Variants in MED13 observed in about 807,000 individuals in gnomAD.
MED13 encodes the protein mediator of RNA polymerase II transcription subunit 13.
A neutral mutation model predicts 225.2 loss-of-function variants in MED13; 23 were observed. The observed-to-expected ratio is 0.10, with a 90% CI of 0.07 to 0.14. The LOEUF (loss-of-function observed/expected upper bound fraction) is 0.14, where lower values mean the gene tolerates loss of function less well. MED13 is among the 10% of genes least tolerant of loss of function. The probability of loss-of-function intolerance (pLI) is 1.00; values close to 1 mark genes in which losing one functional copy is unlikely to be tolerated. For synonymous variants in MED13, 942 were observed against 889.2 expected, an observed-to-expected ratio of 1.06 and a Z score of -1.06; for missense variants, 2,197 against 2,594.5, an observed-to-expected ratio of 0.85 and a Z score of 3.33.
intron 11 of MED13, among the ~76,000 whole-genome samples, chr17:61,988,814 T>G (rs560179717): frequency 6.6e-6 from 1 of 152,080 alleles, no homozygotes; most frequent in East Asian, 1.9e-4. Flanking sequence ...TACAGGTACT[T>G]TTTTTTATGT....
At chr17:62,026,677 C>T (rs1433380112) in intron 8 of MED13, among the ~76,000 whole-genome samples, 1 of 151,980 alleles carries the variant, frequency 6.6e-6, no homozygotes, top group Non-Finnish European at 1.5e-5. Flanking sequence ...TGATTCTAGA[C>T]CTGGAAAACC....
At chr17:62,038,339 G>A (rs1390833798) in intron 3 of MED13, among the ~76,000 whole-genome samples, 2 of 151,968 alleles carry the variant, frequency 1.3e-5, no homozygotes, top group East Asian at 1.9e-4. Flanking sequence ...GAGGTTGAGG[G>A]TGCAGTGAGC....
chr17:61,960,723 A>G (rs1249228566), intron 23 of MED13, 144 bp downstream of exon 23: 2 of 515,204 alleles, frequency 3.9e-6, no homozygotes, highest in African/African-American at 3.9e-5. Flanking sequence ...AACATTCACT[A>G]AAGAAAAAAG....
At position 61,965,202 on chromosome 17, in the gene MED13, C is replaced by T. The variant is rs1173629160; in HGVS notation, c.4648G>A (p.Val1550Ile). 1.9e-6 allele frequency: 3 copies of T among 1,614,074 alleles called. No homozygotes were observed. Among genetic ancestry groups the T allele is most frequent in the Admixed American group, 3.3e-5 (2 of 59,986 alleles). ...SSSSSNLNSG[V>I]SSNKLPSFPP... ...AACGAAGGTAGTTTATTTGATGATA[C>T]TCCACTATTCAAGTTGGAGGATGAT... Residue 1550 changes from valine (V) to isoleucine (I), a missense_variant, in exon 20 of 30, where the codon GTA becomes ATA. Around this residue, in one of 12 missense-constraint regions of MED13, gnomAD observed 457 missense variants for 442.2 expected, o/e 1.03. Transcript: ENST00000397786.
chr17:61,955,662 A>C lies in MED13; in HGVS notation c.5782+18T>G. 6.3e-7 allele frequency: 1 copy of C among 1,585,460 alleles called. No homozygotes were observed. Among genetic ancestry groups the C allele is most frequent in the Non-Finnish European group, 8.5e-7 (1 of 1,172,536 alleles). Reference sequence around the variant, plus strand: ...CTGCATAAAGAATTAAATCTGATATAAACTAAAGATAGCTAACCTGGCATA... The same window carrying C: ...CTGCATAAAGAATTAAATCTGATATCAACTAAAGATAGCTAACCTGGCATA... On this transcript the variant is annotated intron_variant, in intron 25 of 29. Transcript: ENST00000397786.
chr17:61,993,063 C>G (rs1219130862), intron 10 of MED13, among the ~76,000 whole-genome samples: 1 of 152,020 alleles, frequency 6.6e-6, no homozygotes, highest in Non-Finnish European at 1.5e-5. Flanking sequence ...CCACGCCTGG[C>G]CTGTGGTATG....
intron 18 of MED13, among the ~76,000 whole-genome samples, chr17:61,967,462 T>C (rs2080068883): frequency 6.6e-6 from 1 of 152,138 alleles, no homozygotes. Context: ...GGAATCAAAA[T>C]TTAAAGACTA....
At chr17:61,947,528 GAT>G (rs2079860724) in intron 28 of MED13, among the ~76,000 whole-genome samples, 1 of 152,146 alleles carries the variant, frequency 6.6e-6, no homozygotes, top group Non-Finnish European at 1.5e-5. Context: ...CTGTCCTTAA[GAT>G]ATATGACACC....
Position 62,015,940 on chromosome 17 carries a change from ATATATATATATATATTTTTTTTTT to A in MED13, c.1284-4731_1284-4708del, listed in dbSNP as rs1335157735. Reference sequence around the variant, plus strand: ...CATATATATATATATATATATATATATATATATATATATATTTTTTTTTTTTTTTTTTTTTTTTTTTTTAGTAGA... The same window carrying A: ...CATATATATATATATATATATATATATTTTTTTTTTTTTTTTTTTAGTAGA... On this transcript the variant is annotated intron_variant, in intron 8 of 29. Transcript: ENST00000397786. 6.2e-4 allele frequency among the ~76,000 whole-genome samples: 6 copies of A among 9,644 alleles called. 1 individual carries two copies. The highest frequency in any genetic ancestry group is 8.0e-4 in the African/African-American group (3 of 3,748). The allele number at this position is 9,644 out of a possible 152,430, so 6.3% of individuals were successfully genotyped here.
chr17:61,956,306 G>T (rs762599744), intron 24 of MED13, 33 bp downstream of exon 24: 1 of 1,584,942 alleles, frequency 6.3e-7, no homozygotes, highest in Non-Finnish European at 8.6e-7. Flanking sequence ...ACATAAAACG[G>T]AAATATAAAT....
intron 21 of MED13, among the ~76,000 whole-genome samples, 175 bp downstream of exon 21, chr17:61,962,577 A>C (rs1374124841): frequency 1.3e-5 from 2 of 152,314 alleles, no homozygotes; most frequent in Non-Finnish European, 2.9e-5. Flanking sequence ...ATATGACTAT[A>C]AAGTTTATCT....
chr17:62,058,140 T>A (rs1252531807), intron 2 of MED13, among the ~76,000 whole-genome samples: 4 of 152,074 alleles, frequency 2.6e-5, no homozygotes, highest in Admixed American at 2.6e-4. Flanking sequence ...GGGACTGAGC[T>A]AAGATTTTCC....
chr17:61,960,834 A>AAT, intron 23 of MED13, 33 bp downstream of exon 23: 1 of 1,409,784 alleles, frequency 7.1e-7, no homozygotes, highest in Non-Finnish European at 9.9e-7. Flanking sequence ...TTACAAATGG[A>AAT]ATGATATGAT....
rs1555638738 is a variant in MED13 at position 62,014,330 on chromosome 17, A to ATT, written c.1284-3099_1284-3098dup. ...TGTTTTTATATATATATATATATAT[A>ATT]TTTTGAGACACAGTTTCACTCTGTC... is the stretch of plus-strand genomic sequence containing the variant. On this transcript the variant is annotated intron_variant, in intron 8 of 29. Transcript: ENST00000397786. Among the ~76,000 whole-genome samples, 4 of 149,226 alleles carry ATT rather than the reference A, an allele frequency of 2.7e-5. No individual in the cohort carries two copies. The South Asian group carries it at 6.3e-4, about 24-fold the overall frequency.
At chr17:62,035,290 AT>A (rs1180225665) in intron 4 of MED13, among the ~76,000 whole-genome samples, 172 bp downstream of exon 4, 4 of 152,186 alleles carry the variant, frequency 2.6e-5, no homozygotes, top group Non-Finnish European at 5.9e-5. Context: ...GTATTTAAAA[AT>A]TTATTTCACT....
intron 2 of MED13, among the ~76,000 whole-genome samples, chr17:62,062,545 G>C (rs1247382997): frequency 6.6e-6 from 1 of 151,134 alleles, no homozygotes; most frequent in Non-Finnish European, 1.5e-5. Flanking sequence ...TAATCAAATA[G>C]CACAAATGAC....
Position 62,052,677 on chromosome 17 carries a change from T to C in MED13, c.330A>G (p.Gly110=), listed in dbSNP as rs750581761. Residue 110 remains glycine (G), a synonymous_variant, in exon 3 of 30, where the codon GGA becomes GGG. Coordinates refer to ENST00000397786, the MANE Select transcript of MED13 (RefSeq NM_005121.3). ...GCAGAGTACGGCATTCATAGGAAAG[T>C]CCATTCTCCCACACTCCATCTTCTT... is the stretch of plus-strand genomic sequence containing the variant. ...SEEEDGVWEN[G]LSYECRTLLF... is the part of the protein sequence containing the mutation. The C allele has an allele frequency of 6.3e-7, 1 of 1,586,320 alleles. No individual in the cohort carries two copies.
rs553048319 is a variant in MED13, at chr17:61,971,850, T to C, written c.3967+877A>G. Among the ~76,000 whole-genome samples, 444 of 152,052 alleles carry C rather than the reference T, an allele frequency of 2.9e-3. 4 individuals are homozygous for C. The highest frequency in any genetic ancestry group is 0.01 in the African/African-American group (422 of 41,476). ...TCGGGAGGCTAAGCCAGGAGAATTG[T>C]GTGAACCCAGGAGGCGGAGGTTACG... is the stretch of plus-strand genomic sequence containing the variant. On this transcript the variant is annotated intron_variant, in intron 17 of 29. Transcript: ENST00000397786.
In MED13 at chr17:61,992,546, T is replaced by C. The variant is rs2143506096; in HGVS notation, c.2257A>G (p.Lys753Glu). Reference sequence around the variant, plus strand: ...TAGGAAATAAAGATTTTACCTTGCTTGATAGAGGGACTAAATAATGACATA... The same window carrying C: ...TAGGAAATAAAGATTTTACCTTGCTCGATAGAGGGACTAAATAATGACATA... Reference protein sequence around the residue: ...DAMSLFSPSIKQDAPRPTSHA... With the variant: ...DAMSLFSPSIEQDAPRPTSHA... Residue 753 changes from lysine (K) to glutamate (E), a missense_variant, in exon 11 of 30, where the codon AAG becomes GAG. By Grantham distance (56) the Lys-to-Glu change is moderately conservative (BLOSUM62 1). Coordinates refer to ENST00000397786, the MANE Select transcript of MED13 (RefSeq NM_005121.3). 1 of 1,603,352 alleles carries C rather than the reference T, an allele frequency of 6.2e-7. No homozygotes were observed. Among genetic ancestry groups the C allele is most frequent in the Non-Finnish European group, 8.5e-7 (1 of 1,170,596 alleles).
Sources: allele counts gnomAD v4.1 joint callset (sites outside exome capture counted in the v4.1 genomes callset), GRCh38; gene constraint gnomAD v4.1.1; regional missense constraint gnomAD v4.1.1; transcripts MANE v1.5; gene names NCBI Gene and HGNC (gene_info 2026-07-23, HGNC 2026-07-21).